PCDHA4: variants seen among roughly 807,000 people sequenced by gnomAD.
The protein encoded by PCDHA4 is protocadherin alpha-4.
A neutral mutation model predicts 61.4 loss-of-function variants in PCDHA4; 49 were observed. The observed-to-expected ratio is 0.80, with a 90% CI of 0.63 to 1.01. The LOEUF is 1.01. Among genes scored for constraint, PCDHA4 ranks in the 50% least tolerant of loss-of-function variants. PCDHA4 has a pLI of 0.00. For synonymous variants in PCDHA4, 590 were observed against 550.3 expected, an observed-to-expected ratio of 1.07 and a Z score of -1.01; for missense variants, 1,254 against 1,235.8, an observed-to-expected ratio of 1.01 and a Z score of -0.22.
intron 1 of PCDHA4, chr5:140,927,790 G>C: frequency 6.2e-7 from 1 of 1,614,218 alleles, no homozygotes; most frequent in Non-Finnish European, 8.5e-7. Flanking sequence ...TGCTTCACTA[G>C]GTCCGCCTGA....
chr5:140,838,085 T>A (rs1166468292), intron 1 of PCDHA4, among the ~76,000 whole-genome samples: 6 of 64,192 alleles, frequency 9.3e-5, no homozygotes, highest in Non-Finnish European at 1.9e-4. Context: ...ATAGTGTGTG[T>A]GTGTGTGTGT....
chr5:140,912,145 C>T (rs561351882), intron 1 of PCDHA4, among the ~76,000 whole-genome samples: 1 of 152,302 alleles, frequency 6.6e-6, no homozygotes, highest in African/African-American at 2.4e-5. Flanking sequence ...CCATGTTCTT[C>T]TGCCTGTTTT....
intron 1 of PCDHA4, chr5:140,863,746 C>T (rs902419131): frequency 8.2e-6 from 2 of 244,508 alleles, no homozygotes; most frequent in Non-Finnish European, 1.6e-5. Context: ...TATTTGTAAT[C>T]CCGGCACTTT....
At chr5:140,882,407 C>A (rs368121978) in intron 1 of PCDHA4, 48 of 1,614,006 alleles carry the variant, frequency 3.0e-5, no homozygotes, top group Non-Finnish European at 1.3e-5. Flanking sequence ...CTTCGTGGGC[C>A]GCATCGCTCA....
intron 1 of PCDHA4, chr5:140,928,844 C>T (rs782361945): frequency 1.2e-6 from 2 of 1,614,168 alleles, no homozygotes; most frequent in Non-Finnish European, 1.7e-6. Flanking sequence ...TCCTCTGTCA[C>T]TCTGGGTGTG....
At chr5:140,991,247 T>C (rs1211585397) in intron 3 of PCDHA4, among the ~76,000 whole-genome samples, 1 of 152,200 alleles carries the variant, frequency 6.6e-6, no homozygotes, top group Non-Finnish European at 1.5e-5. Flanking sequence ...AAAGGCAGTA[T>C]TTGAACTCAT....
chr5:140,892,507 C>T (rs1261497068), intron 1 of PCDHA4, among the ~76,000 whole-genome samples: 1 of 152,162 alleles, frequency 6.6e-6, no homozygotes, highest in Non-Finnish European at 1.5e-5. Context: ...TTAAGAAGTT[C>T]CACCATGACT....
At chr5:140,871,352 C>CT in intron 1 of PCDHA4, 1 of 1,614,210 alleles carries the variant, frequency 6.2e-7, no homozygotes, top group South Asian at 1.1e-5. Flanking sequence ...TGGTCATACT[C>CT]GCAGCAGAGG....
chr5:140,979,566 G>A (rs2096856791), intron 2 of PCDHA4, among the ~76,000 whole-genome samples: 1 of 152,194 alleles, frequency 6.6e-6, no homozygotes, highest in Non-Finnish European at 1.5e-5. Flanking sequence ...GATGAGCCAT[G>A]TAAAGGGCTC....
At chr5:140,877,103 C>T (rs782607272) in intron 1 of PCDHA4, 7 of 1,613,552 alleles carry the variant, frequency 4.3e-6, no homozygotes, top group Non-Finnish European at 5.9e-6. Flanking sequence ...GGCGTGCCGC[C>T]TCTGGGCAGC....
At chr5:141,003,081 T>C (rs2098110268) in intron 3 of PCDHA4, among the ~76,000 whole-genome samples, 1 of 152,238 alleles carries the variant, frequency 6.6e-6, no homozygotes, top group Admixed American at 6.5e-5. Context: ...AGGGTGAGTT[T>C]AACAGGCCTG....
In PCDHA4 at chr5:140,854,901, T is replaced by C. The variant is rs1371742566; in HGVS notation, c.2385+45329T>C. On this transcript the variant is annotated intron_variant, in intron 1 of 3. Transcript: ENST00000530339. ...CTTTTGGGCATTTGAAAAGCGTAAA[T>C]ATAACAGGGTTGAAAGCATTTGCCT... 1.1e-4 allele frequency among the ~76,000 whole-genome samples: 17 copies of C among 149,996 alleles called. No individual in the cohort carries two copies. In the Admixed American group the frequency reaches 1.1e-3, roughly 10 times the overall value.
chr5:141,005,031 A>G (rs2098194150), intron 3 of PCDHA4, among the ~76,000 whole-genome samples: 1 of 152,212 alleles, frequency 6.6e-6, no homozygotes, highest in South Asian at 2.1e-4. Context: ...ATAATTGCCC[A>G]TATGTGATAC....
At chr5:140,884,213 G>C in intron 1 of PCDHA4, 1 of 1,613,532 alleles carries the variant, frequency 6.2e-7, no homozygotes, top group East Asian at 2.2e-5. Flanking sequence ...CCGCCTTCTG[G>C]TGCTGGTGAA....
At chr5:140,850,454 C>A (rs2150484793) in intron 1 of PCDHA4, 7 of 1,597,724 alleles carry the variant, frequency 4.4e-6, no homozygotes, top group Non-Finnish European at 5.1e-6. Flanking sequence ...TGGTGAAAGA[C>A]CACGGGGAGC....
chr5:140,899,936 T>A (rs1443562291), intron 1 of PCDHA4, among the ~76,000 whole-genome samples: 1 of 152,064 alleles, frequency 6.6e-6, no homozygotes, highest in Non-Finnish European at 1.5e-5. Context: ...GCCTCCTGAA[T>A]AGCTGGGACC....
intron 1 of PCDHA4, chr5:140,836,211 G>T: frequency 6.2e-7 from 1 of 1,613,840 alleles, no homozygotes; most frequent in Non-Finnish European, 8.5e-7. Context: ...GCTTTCGTAT[G>T]AGTTGCAACC....
At chr5:140,846,469 G>T (rs1554141344) in intron 1 of PCDHA4, among the ~76,000 whole-genome samples, 1 of 143,096 alleles carries the variant, frequency 7.0e-6, no homozygotes, top group Non-Finnish European at 1.5e-5. Flanking sequence ...CTGCCTCCCG[G>T]GTTCAAATGA....
chr5:140,867,552 TATG>T (rs1353762493), intron 1 of PCDHA4: 1 of 152,120 alleles, frequency 6.6e-6, no homozygotes, highest in Non-Finnish European at 1.5e-5. Flanking sequence ...AGCATACACA[TATG>T]ATAACTTTTT....
Sources: allele counts gnomAD v4.1 joint callset (sites outside exome capture counted in the v4.1 genomes callset), GRCh38; gene constraint gnomAD v4.1.1; transcripts MANE v1.5; gene names NCBI Gene and HGNC (gene_info 2026-07-23, HGNC 2026-07-21).